The following PTPRT variants were observed in gnomAD, a reference collection of about 807,000 sequenced individuals.
PTPRT encodes receptor-type tyrosine-protein phosphatase T.
In PTPRT, 56 loss-of-function variants were observed where a neutral mutation model predicts 176.8. The ratio of observed to expected loss-of-function variants is 0.32; its 90% CI spans 0.26 to 0.40. The LOEUF is 0.40. Among genes scored for constraint, PTPRT ranks in the 10% least tolerant of loss-of-function variants. The pLI is 1.00. For missense variants in PTPRT, 1,540 were observed against 1,908.2 expected (o/e 0.81, Z 3.60); for synonymous variants, 783 against 739.0 (o/e 1.06, Z -0.96).
intron 7 of PTPRT, among the ~76,000 whole-genome samples, chr20:42,473,051 T>C (rs570050710): frequency 7.2e-5 from 11 of 152,256 alleles, no homozygotes; most frequent in Admixed American, 6.5e-4. Flanking sequence ...GGAAACTGAG[T>C]CACAGCCTCA....
intron 12 of PTPRT, among the ~76,000 whole-genome samples, chr20:42,297,912 A>T (rs1297567952): frequency 6.6e-6 from 1 of 152,204 alleles, no homozygotes; most frequent in Non-Finnish European, 1.5e-5. Context: ...ACTAAAATAC[A>T]TAAGACTTAG....
At chr20:42,839,775 T>C (rs1031267396) in intron 2 of PTPRT, among the ~76,000 whole-genome samples, 1 of 152,154 alleles carries the variant, frequency 6.6e-6, no homozygotes, top group South Asian at 2.1e-4. Flanking sequence ...AGATCTTTAA[T>C]AAGTGGTACT....
chr20:43,006,877 G>A (rs540985697), intron 1 of PTPRT, among the ~76,000 whole-genome samples: 4 of 152,120 alleles, frequency 2.6e-5, no homozygotes, highest in Non-Finnish European at 4.4e-5. Flanking sequence ...GCGAGGCAGG[G>A]TATAGTGTGG....
intron 1 of PTPRT, among the ~76,000 whole-genome samples, chr20:43,083,341 T>TACATATATATATATAC (rs1176393671): frequency 4.9e-5 from 2 of 40,676 alleles, no homozygotes; most frequent in African/African-American, 1.4e-4. Flanking sequence ...TATATATATA[T>TACATATATATATATAC]ATATATATAT....
chr20:42,584,395 C>T (rs1264672286), intron 7 of PTPRT, among the ~76,000 whole-genome samples: 1 of 152,158 alleles, frequency 6.6e-6, no homozygotes, highest in Non-Finnish European at 1.5e-5. Context: ...GTCCTCCCAC[C>T]TCACGGCATT....
intron 7 of PTPRT, among the ~76,000 whole-genome samples, chr20:42,525,348 T>A (rs2072250000): frequency 6.6e-6 from 1 of 152,204 alleles, no homozygotes; most frequent in African/African-American, 2.4e-5. Flanking sequence ...ACTGAGGGTA[T>A]ATGATTTCAA....
chr20:42,681,520 G>A (rs2075603828), intron 6 of PTPRT, among the ~76,000 whole-genome samples: 1 of 152,082 alleles, frequency 6.6e-6, no homozygotes, highest in African/African-American at 2.4e-5. Flanking sequence ...AAATTCCTGG[G>A]GGTCCCCTAG....
chr20:43,089,491 C>T (rs1392027163), intron 1 of PTPRT, among the ~76,000 whole-genome samples: 1 of 152,196 alleles, frequency 6.6e-6, no homozygotes, highest in African/African-American at 2.4e-5. Flanking sequence ...ATGTGTTCAC[C>T]TCCCACTTCT....
In PTPRT at chr20:42,355,534, G is replaced by A. The variant is rs529701558; in HGVS notation, c.1561-3249C>T. Among the ~76,000 whole-genome samples the A allele has an allele frequency of 4.1e-4, 62 of 152,300 alleles. 1 individual carries two copies. Among genetic ancestry groups the A allele is most frequent in the Admixed American group, 3.4e-3 (52 of 15,308 alleles). ...CTAGCTTCTAGGCAGAGGGAACCGC[G>A]TAGGCAAAGATCTGGGATGGGAAAA... is the stretch of plus-strand genomic sequence containing the variant. On this transcript the variant is annotated intron_variant, in intron 9 of 30. Coordinates refer to ENST00000373187, the MANE Select transcript of PTPRT (RefSeq NM_007050.6).
At chr20:42,669,289 T>C (rs994951988) in intron 7 of PTPRT, among the ~76,000 whole-genome samples, 2 of 152,122 alleles carry the variant, frequency 1.3e-5, no homozygotes, top group African/African-American at 4.8e-5. Flanking sequence ...CCTTCGAGCA[T>C]GGTGTGGCAT....
chr20:42,547,773 G>A (rs1474097808), intron 7 of PTPRT, among the ~76,000 whole-genome samples: 3 of 151,928 alleles, frequency 2.0e-5, no homozygotes, highest in African/African-American at 4.8e-5. Flanking sequence ...GTAAATATTA[G>A]AAAGGAAGAC....
chr20:42,737,201 TC>T (rs1426257223), intron 6 of PTPRT, among the ~76,000 whole-genome samples: 2 of 152,262 alleles, frequency 1.3e-5, no homozygotes, highest in East Asian at 3.9e-4. Flanking sequence ...ATGACTGGCA[TC>T]CTTCTAAAAT....
chr20:42,292,022 C>T (rs532126639), intron 12 of PTPRT, among the ~76,000 whole-genome samples: 1 of 152,196 alleles, frequency 6.6e-6, no homozygotes, highest in Non-Finnish European at 1.5e-5. Context: ...GTGCCTTAGA[C>T]CAGAAGAGTG....
At chr20:43,126,329 C>A (rs769744062) in intron 1 of PTPRT, among the ~76,000 whole-genome samples, 5 of 142,796 alleles carry the variant, frequency 3.5e-5, no homozygotes, top group Non-Finnish European at 6.1e-5. Context: ...CTAGCCTGGG[C>A]AACAGAGCAA....
chr20:42,628,638 G>A (rs2074343619), intron 7 of PTPRT, among the ~76,000 whole-genome samples: 1 of 151,940 alleles, frequency 6.6e-6, no homozygotes, highest in African/African-American at 2.4e-5. Context: ...TACAATATCT[G>A]ATTAAATTTT....
intron 2 of PTPRT, among the ~76,000 whole-genome samples, chr20:42,834,628 G>A (rs935236099): frequency 6.6e-6 from 1 of 152,104 alleles, no homozygotes; most frequent in African/African-American, 2.4e-5. Flanking sequence ...TTCAGGTTGT[G>A]GGATATGATG....
Position 42,420,272 on chromosome 20 carries a change from G to A in PTPRT, c.1560+27948C>T, listed in dbSNP as rs370341417. Reference sequence around the variant, plus strand: ...CACATTTATCTGAGGGCCTGAATACGACTGTCCAATGCCTATAATCTCTGA... The same window carrying A: ...CACATTTATCTGAGGGCCTGAATACAACTGTCCAATGCCTATAATCTCTGA... On this transcript the variant is annotated intron_variant, in intron 9 of 30. Transcript: ENST00000373187. Among the ~76,000 whole-genome samples the A allele has an allele frequency of 3.3e-5, 5 of 152,238 alleles. No individual in the cohort carries two copies. In the East Asian group the frequency reaches 7.7e-4, roughly 24 times the overall value.
At chr20:42,730,368 C>A (rs546942461) in intron 6 of PTPRT, among the ~76,000 whole-genome samples, 19 of 152,124 alleles carry the variant, frequency 1.2e-4, no homozygotes, top group African/African-American at 4.6e-4. Flanking sequence ...CCATGGGACA[C>A]AAAAGCAGAA....
intron 1 of PTPRT, among the ~76,000 whole-genome samples, chr20:43,012,406 T>C (rs1985174554): frequency 6.6e-6 from 1 of 151,928 alleles, no homozygotes; most frequent in Non-Finnish European, 1.5e-5. Context: ...AGTAAAATGG[T>C]GGTTACTAGA....
Sources: gnomAD v4.1 joint callset for allele counts (sites outside exome capture counted in the v4.1 genomes callset) on GRCh38, gnomAD v4.1.1 for gene constraint, MANE v1.5 for transcripts, NCBI Gene and HGNC (gene_info 2026-07-23, HGNC 2026-07-21) for gene names.